The following BCL11A variants were observed in gnomAD, a reference collection of about 807,000 sequenced individuals.
The protein encoded by BCL11A is BCL11 transcription factor A.
BCL11A carries 2 observed loss-of-function variants against 55.9 expected under a neutral mutation model. The ratio of observed to expected loss-of-function variants is 0.04; its 90% confidence interval spans 0.01 to 0.11. BCL11A has a LOEUF of 0.11. Ranked by LOEUF, BCL11A falls within the 10% of genes least tolerant of loss-of-function variation. The pLI is 1.00. For missense variants in BCL11A, 817 were observed against 1,137.1 expected (o/e 0.72, Z 4.05); for synonymous variants, 465 against 473.4 (o/e 0.98, Z 0.23).
intron 2 of BCL11A, among the ~76,000 whole-genome samples, chr2:60,501,972 G>A (rs1392090817): frequency 6.6e-6 from 1 of 152,160 alleles, no homozygotes; most frequent in East Asian, 1.9e-4. Context: ...GAATAAAGTA[G>A]TATTATGTTT....
chr2:60,550,971 G>A (rs1670389341), intron 1 of BCL11A: 2 of 396,732 alleles, frequency 5.0e-6, no homozygotes, highest in East Asian at 7.2e-5. Context: ...AGGGATGCGA[G>A]GGGGTGGGGA....
intron 2 of BCL11A, among the ~76,000 whole-genome samples, chr2:60,541,054 A>G (rs1315157367): frequency 2.0e-5 from 3 of 151,208 alleles, no homozygotes; most frequent in Admixed American, 2.0e-4. Flanking sequence ...CGGGAGGGAA[A>G]CTTTGTCCCC....
rs555008672 is a variant in BCL11A, at chr2:60,451,726, C to T, written c.*849G>A. The T allele has an allele frequency of 1.3e-4, 30 of 230,142 alleles. 1 individual carries two copies. Among genetic ancestry groups the T allele is most frequent in the Admixed American group, 2.8e-4 (5 of 17,668 alleles). 14.3% of individuals were successfully genotyped at this position (230,142 alleles called of 1,614,324 possible). ...ATCACCTTCTTTAGGATTTACCGCT[C>T]GCCCAGTGATGTTCTTTCCTAAGCT... is the stretch of plus-strand genomic sequence containing the variant. On this transcript the variant is annotated 3_prime_UTR_variant, in exon 5 of 5. Transcript: ENST00000356842.
At chr2:60,482,345 C>T (rs1259887188) in intron 2 of BCL11A, among the ~76,000 whole-genome samples, 1 of 151,898 alleles carries the variant, frequency 6.6e-6, no homozygotes. Context: ...GGAGCAGAGC[C>T]GAGAATATCC....
chr2:60,482,702 G>A (rs113422743), intron 2 of BCL11A, among the ~76,000 whole-genome samples: 174 of 152,268 alleles, frequency 1.1e-3, no homozygotes, highest in African/African-American at 3.9e-3. Context: ...CTGAAAACAG[G>A]GCAGAAGACT....
intron 2 of BCL11A, among the ~76,000 whole-genome samples, chr2:60,506,108 C>CT (rs142643007): frequency 0.012 from 1,768 of 152,328 alleles, 29 homozygotes; most frequent in African/African-American, 0.04. Flanking sequence ...TAAAAATCCC[C>CT]TTTCCCAGCC....
At chr2:60,513,792 C>T (rs141803473) in intron 2 of BCL11A, among the ~76,000 whole-genome samples, 3 of 152,352 alleles carry the variant, frequency 2.0e-5, no homozygotes, top group African/African-American at 2.4e-5. Context: ...TCAGCACCTA[C>T]GAAGGGTCCT....
chr2:60,521,116 C>T (rs1033227492), intron 2 of BCL11A, among the ~76,000 whole-genome samples: 5 of 151,826 alleles, frequency 3.3e-5, no homozygotes, highest in Non-Finnish European at 5.9e-5. Context: ...CACACACACA[C>T]ACACACACTC....
intron 2 of BCL11A, chr2:60,478,199 T>C (rs1392109873): frequency 6.6e-6 from 1 of 152,318 alleles, no homozygotes; most frequent in Non-Finnish European, 1.5e-5. Context: ...TGTTATGTTC[T>C]TCCCAAAGTA....
chr2:60,454,404 C>A (rs758211468), downstream of BCL11A, among the ~76,000 whole-genome samples: 1 of 152,144 alleles, frequency 6.6e-6, no homozygotes, highest in Non-Finnish European at 1.5e-5. Context: ...TGAGAGAACT[C>A]TGCCAATCCC....
chr2:60,496,543 C>G (rs970399234), intron 2 of BCL11A: 1 of 152,316 alleles, frequency 6.6e-6, no homozygotes, highest in Non-Finnish European at 1.5e-5. Context: ...CACCTATCTT[C>G]CACTTTGCTG....
intron 2 of BCL11A, chr2:60,525,993 A>G (rs1233323717): frequency 6.6e-6 from 1 of 152,252 alleles, no homozygotes; most frequent in Non-Finnish European, 1.5e-5. Flanking sequence ...GAAGGTCTTC[A>G]TACTACAGGC....
rs777467539 is a variant in BCL11A, at chr2:60,538,739, CTGTGTGTG to C, written c.385+7224_385+7231del. 9.1e-3 allele frequency among the ~76,000 whole-genome samples: 612 copies of C among 67,486 alleles called. 3 individuals are homozygous for C. The highest frequency in any genetic ancestry group is 0.016 in the African/African-American group (362 of 23,088). 44.3% of individuals were successfully genotyped at this position (67,486 alleles called of 152,430 possible). A position where few individuals can be genotyped will look rare whatever the true frequency, so the allele number is the denominator to read the frequency against. ...TGAATGTCTCTCTCTCTCTCTCTCT[CTGTGTGTG>C]TGTGTGTGTGTGTGTGTGTGTGTGT... On this transcript the variant is annotated intron_variant, in intron 2 of 3. Coordinates refer to ENST00000642384, the MANE Select transcript of BCL11A (RefSeq NM_022893.4).
intron 2 of BCL11A, among the ~76,000 whole-genome samples, chr2:60,487,223 T>A (rs1207591191): frequency 6.6e-6 from 1 of 152,242 alleles, no homozygotes; most frequent in African/African-American, 2.4e-5. Flanking sequence ...GATAATTTGA[T>A]ATCCTATAAA....
chr2:60,502,488 A>G (rs1679347592), intron 2 of BCL11A, among the ~76,000 whole-genome samples: 1 of 152,214 alleles, frequency 6.6e-6, no homozygotes, highest in Non-Finnish European at 1.5e-5. Context: ...CTGCCATCAC[A>G]CACTTTGTAC....
exon 5 of BCL11A, chr2:60,451,978 A>C (rs1280339161): frequency 4.4e-6 from 1 of 228,230 alleles, no homozygotes; most frequent in African/African-American, 2.2e-5. Flanking sequence ...CTCCTTGAAA[A>C]TTTATGCCAT....
chr2:60,487,226 C>G (rs1678331735), intron 2 of BCL11A, among the ~76,000 whole-genome samples: 1 of 152,110 alleles, frequency 6.6e-6, no homozygotes, highest in Non-Finnish European at 1.5e-5. Flanking sequence ...AATTTGATAT[C>G]CTATAAAACT....
chr2:60,452,807 T>C (rs17331129), downstream of BCL11A: 93,448 of 637,318 alleles, frequency 0.15, 7,650 homozygotes, highest in Admixed American at 0.22. Context: ...ATCTTAAGCA[T>C]GATTTCAAAC....
intron 2 of BCL11A, chr2:60,478,163 C>G (rs1677741351): frequency 6.6e-6 from 1 of 152,440 alleles, no homozygotes; most frequent in African/African-American, 2.4e-5. Context: ...TGGGATCTCA[C>G]CATGTTGCCC....
Sources: gnomAD v4.1 joint callset for allele counts (sites outside exome capture counted in the v4.1 genomes callset) on GRCh38, gnomAD v4.1.1 for gene constraint, MANE v1.5 for transcripts, NCBI Gene and HGNC (gene_info 2026-07-23, HGNC 2026-07-21) for gene names.